The following ARHGAP15 variants were observed in gnomAD, a reference collection of about 807,000 sequenced individuals.
ARHGAP15 encodes rho GTPase-activating protein 15.
ARHGAP15 carries 51 observed loss-of-function variants against 63.7 expected under a neutral mutation model. The ratio of observed to expected loss-of-function variants is 0.80; its 90% CI spans 0.64 to 1.01. ARHGAP15 has a LOEUF of 1.01. Ranked by LOEUF, ARHGAP15 falls within the 50% of genes least tolerant of loss-of-function variation. The pLI is 0.00. For missense variants in ARHGAP15, 560 were observed against 564.6 expected, an observed-to-expected ratio of 0.99 and a Z score of 0.08; for synonymous variants, 191 against 193.8, an observed-to-expected ratio of 0.99 and a Z score of 0.12.
intron 6 of ARHGAP15, among the ~76,000 whole-genome samples, chr2:143,325,757 G>T (rs942809961): frequency 3.3e-5 from 5 of 152,088 alleles, no homozygotes; most frequent in Non-Finnish European, 5.9e-5. Flanking sequence ...ATGTACATTT[G>T]TAATGAACAG....
chr2:143,726,604 A>C (rs1685291025), intron 13 of ARHGAP15, among the ~76,000 whole-genome samples: 1 of 152,070 alleles, frequency 6.6e-6, no homozygotes, highest in African/African-American at 2.4e-5. Context: ...TCTAAATTAC[A>C]CTCCAAACCA....
At chr2:143,421,335 C>T (rs1688908621) in intron 6 of ARHGAP15, among the ~76,000 whole-genome samples, 1 of 151,984 alleles carries the variant, frequency 6.6e-6, no homozygotes, top group Non-Finnish European at 1.5e-5. Flanking sequence ...GAAGTTTTTC[C>T]TAGGTTTAAA....
intron 6 of ARHGAP15, chr2:143,314,347 A>G (rs1683597320): frequency 6.6e-6 from 1 of 152,210 alleles, no homozygotes; most frequent in Non-Finnish European, 1.5e-5. Context: ...ACTCACCTTT[A>G]CAATTAACTC....
intron 9 of ARHGAP15, among the ~76,000 whole-genome samples, chr2:143,503,889 G>A (rs1239724818): frequency 6.6e-6 from 1 of 152,162 alleles, no homozygotes; most frequent in Non-Finnish European, 1.5e-5. Flanking sequence ...ACAAAGCAAG[G>A]TCCCCAGGAA....
At chr2:143,340,543 A>C (rs1685015566) in intron 6 of ARHGAP15, among the ~76,000 whole-genome samples, 1 of 149,338 alleles carries the variant, frequency 6.7e-6, no homozygotes, top group Non-Finnish European at 1.5e-5. Flanking sequence ...TTTTTTAATA[A>C]ATTTTAAAAG....
chr2:143,502,572 G>T (rs536196990), intron 9 of ARHGAP15, among the ~76,000 whole-genome samples: 7 of 151,654 alleles, frequency 4.6e-5, no homozygotes, highest in African/African-American at 1.7e-4. Flanking sequence ...GGATCGTTTT[G>T]TTGTTGTTGT....
At chr2:143,331,179 T>C (rs775339598) in intron 6 of ARHGAP15, among the ~76,000 whole-genome samples, 1 of 152,164 alleles carries the variant, frequency 6.6e-6, no homozygotes, top group Non-Finnish European at 1.5e-5. Flanking sequence ...AACAAACATA[T>C]ATTTTTCCCC....
chr2:143,435,805 C>A, intron 7 of ARHGAP15, 106 bp downstream of exon 7: 1 of 1,128,846 alleles, frequency 8.9e-7, no homozygotes, highest in Non-Finnish European at 1.2e-6. Context: ...ATCCTATGGA[C>A]TGAGAGGGAT....
intron 8 of ARHGAP15, among the ~76,000 whole-genome samples, chr2:143,462,820 C>A (rs999461164): frequency 6.6e-6 from 1 of 152,074 alleles, no homozygotes; most frequent in African/African-American, 2.4e-5. Context: ...GACAGACAGA[C>A]AGACAAAAAG....
intron 9 of ARHGAP15, among the ~76,000 whole-genome samples, chr2:143,502,079 C>T (rs1292446469): frequency 6.6e-6 from 1 of 152,102 alleles, no homozygotes; most frequent in South Asian, 2.1e-4. Flanking sequence ...GGACACAAGA[C>T]ATGGGATCTG....
chr2:143,763,728 A>ATATG (rs1686851298), intron 13 of ARHGAP15, among the ~76,000 whole-genome samples: 1 of 140,332 alleles, frequency 7.1e-6, no homozygotes, highest in African/African-American at 2.9e-5. Flanking sequence ...ATATGTATGT[A>ATATG]TATGTATATG....
intron 10 of ARHGAP15, among the ~76,000 whole-genome samples, chr2:143,546,254 G>T (rs181638069): frequency 6.6e-6 from 1 of 152,088 alleles, no homozygotes. Context: ...AAAAAAATAC[G>T]GGTGGAGGGA....
chr2:143,354,986 A>C (rs1685746144), intron 6 of ARHGAP15, among the ~76,000 whole-genome samples: 1 of 152,168 alleles, frequency 6.6e-6, no homozygotes, highest in Non-Finnish European at 1.5e-5. Context: ...TTTCATTGTA[A>C]GCGTTTTTTA....
At chr2:143,183,815 C>T (rs1304439063) in intron 2 of ARHGAP15, among the ~76,000 whole-genome samples, 1 of 150,890 alleles carries the variant, frequency 6.6e-6, no homozygotes, top group Non-Finnish European at 1.5e-5. Flanking sequence ...TGTCCTTAAA[C>T]TGAAGTTTAA....
intron 5 of ARHGAP15, 103 bp from the exon 6 acceptor site, chr2:143,250,408 T>A: frequency 1.2e-6 from 1 of 805,106 alleles, no homozygotes. Context: ...AAAGGCATTA[T>A]ATCATAAATA....
At chr2:143,171,546 A>G (rs1046641889) in intron 2 of ARHGAP15, among the ~76,000 whole-genome samples, 4 of 152,082 alleles carry the variant, frequency 2.6e-5, no homozygotes, top group African/African-American at 9.7e-5. Flanking sequence ...TTAATTTTTT[A>G]TGTATACTAA....
At chr2:143,707,866 T>G (rs1026347625) in intron 13 of ARHGAP15, among the ~76,000 whole-genome samples, 11 of 152,236 alleles carry the variant, frequency 7.2e-5, no homozygotes, top group Non-Finnish European at 1.5e-4. Flanking sequence ...CTTTTGCATA[T>G]TCAAAGAGAG....
At chr2:143,437,561 T>A (rs1689668929) in intron 8 of ARHGAP15, among the ~76,000 whole-genome samples, 1 of 152,204 alleles carries the variant, frequency 6.6e-6, no homozygotes. Flanking sequence ...AGTTCTAATA[T>A]TCTAAGAATT....
chr2:143,391,904 G>A (rs1687552123), intron 6 of ARHGAP15, among the ~76,000 whole-genome samples: 1 of 152,128 alleles, frequency 6.6e-6, no homozygotes, highest in Non-Finnish European at 1.5e-5. Flanking sequence ...TGTTGTCATT[G>A]GAACCTGGGA....
Sources: gnomAD v4.1 joint callset for allele counts (sites outside exome capture counted in the v4.1 genomes callset) on GRCh38, gnomAD v4.1.1 for gene constraint, MANE v1.5 for transcripts, NCBI Gene and HGNC (gene_info 2026-07-23, HGNC 2026-07-21) for gene names.